EYA1: variants seen among roughly 807,000 people sequenced by gnomAD.
EYA1 encodes EYA transcriptional coactivator and phosphatase 1, also known as protein phosphatase EYA1.
A neutral mutation model predicts 82.0 loss-of-function variants in EYA1; 16 were observed. The observed-to-expected ratio is 0.20, with a 90% CI of 0.13 to 0.30. The LOEUF (loss-of-function observed/expected upper bound fraction) is 0.30. Ranked by LOEUF, EYA1 falls within the 10% of genes least tolerant of loss-of-function variation. The probability of loss-of-function intolerance (pLI) is 1.00; values close to 1 mark genes in which losing one functional copy is unlikely to be tolerated. For missense variants in EYA1, 633 were observed against 730.7 expected, an observed-to-expected ratio of 0.87 and a Z score of 1.54; for synonymous variants, 261 against 264.4, an observed-to-expected ratio of 0.99 and a Z score of 0.12.
chr8:71,510,379 T>G (rs1189124157), intron 2 of EYA1, among the ~76,000 whole-genome samples: 1 of 152,194 alleles, frequency 6.6e-6, no homozygotes, highest in Non-Finnish European at 1.5e-5. Flanking sequence ...GAGTTTTTTA[T>G]GTGGCACTGT....
At chr8:71,501,300 C>T (rs1811789670) in intron 2 of EYA1, among the ~76,000 whole-genome samples, 1 of 152,162 alleles carries the variant, frequency 6.6e-6, no homozygotes, top group African/African-American at 2.4e-5. Flanking sequence ...ACAAATTTGC[C>T]TGGAGCAGTC....
At chr8:71,459,137 A>G (rs901198282) in intron 2 of EYA1, among the ~76,000 whole-genome samples, 1 of 152,220 alleles carries the variant, frequency 6.6e-6, no homozygotes, top group South Asian at 2.1e-4. Context: ...TTTCTCTGAC[A>G]TAACCTTGGA....
At chr8:71,394,859 T>C (rs938776947) in intron 2 of EYA1, among the ~76,000 whole-genome samples, 1 of 152,210 alleles carries the variant, frequency 6.6e-6, no homozygotes, top group Non-Finnish European at 1.5e-5. Context: ...GGGGATGGCA[T>C]TGAATCTATA....
intron 3 of EYA1, among the ~76,000 whole-genome samples, chr8:71,343,165 G>T (rs1825336761): frequency 6.6e-6 from 1 of 152,156 alleles, no homozygotes; most frequent in Non-Finnish European, 1.5e-5. Flanking sequence ...ATGGCAGGTT[G>T]TCTCACTAGT....
intron 2 of EYA1, among the ~76,000 whole-genome samples, chr8:71,428,848 A>G (rs1805428471): frequency 6.6e-6 from 1 of 152,146 alleles, no homozygotes; most frequent in African/African-American, 2.4e-5. Flanking sequence ...ACAAGAGAGA[A>G]AGCTGAAATC....
At chr8:71,332,460 C>G (rs1239815333) in intron 4 of EYA1, among the ~76,000 whole-genome samples, 1 of 152,168 alleles carries the variant, frequency 6.6e-6, no homozygotes, top group East Asian at 1.9e-4. Context: ...CCCCTATACC[C>G]ATTGGTCACT....
intron 9 of EYA1, among the ~76,000 whole-genome samples, chr8:71,295,105 T>C (rs572604329): frequency 8.3e-4 from 127 of 152,188 alleles, no homozygotes; most frequent in Non-Finnish European, 1.6e-3. Context: ...GTCAGAGAAC[T>C]AGATGTAAAA....
chr8:71,547,895 G>C (rs1815795932), exon 1 of EYA1: 1 of 152,016 alleles, frequency 6.6e-6, no homozygotes, highest in Non-Finnish European at 1.5e-5. Context: ...GGGGGGCTGA[G>C]GAACCGGTTC....
At chr8:71,359,227 G>C (rs1023488306) in intron 1 of EYA1, among the ~76,000 whole-genome samples, 4 of 152,222 alleles carry the variant, frequency 2.6e-5, no homozygotes. Flanking sequence ...GGTCTTTTAA[G>C]TTTGCCTTTT....
At chr8:71,462,372 G>A (rs1421996644) in intron 2 of EYA1, among the ~76,000 whole-genome samples, 1 of 152,166 alleles carries the variant, frequency 6.6e-6, no homozygotes, top group African/African-American at 2.4e-5. Flanking sequence ...ACCCCTCTCC[G>A]AGATCGGAGT....
At chr8:71,511,924 G>A (rs534475808) in intron 2 of EYA1, among the ~76,000 whole-genome samples, 1 of 152,250 alleles carries the variant, frequency 6.6e-6, no homozygotes, top group East Asian at 1.9e-4. Context: ...TCCCAGACCT[G>A]GTTCATTAGC....
At chr8:71,290,845 A>G (rs1303794352) in intron 9 of EYA1, among the ~76,000 whole-genome samples, 1 of 152,210 alleles carries the variant, frequency 6.6e-6, no homozygotes, top group Non-Finnish European at 1.5e-5. Flanking sequence ...CATCAAGACA[A>G]ACAAACCCAA....
At chr8:71,406,662 A>C (rs932584365) in intron 2 of EYA1, among the ~76,000 whole-genome samples, 19 of 152,220 alleles carry the variant, frequency 1.2e-4, no homozygotes, top group African/African-American at 4.6e-4. Context: ...TGCGCTTTTC[A>C]GACTGGCTTA....
At chr8:71,214,532 C>A (rs756246259) in intron 16 of EYA1, among the ~76,000 whole-genome samples, 2 of 152,190 alleles carry the variant, frequency 1.3e-5, no homozygotes, top group Admixed American at 6.5e-5. Context: ...CACATTCAAG[C>A]ACTTAGCAAT....
rs1563640238 is a variant in EYA1, at chr8:71,463,629, CTCT to C, written c.33+72112_33+72114del. Among the ~76,000 whole-genome samples the C allele has an allele frequency of 5.0e-4, 52 of 103,744 alleles. 4 individuals carry two copies. Among genetic ancestry groups the C allele is most frequent in the African/African-American group, 1.7e-3 (36 of 20,978 alleles). 68.1% of individuals were successfully genotyped at this position (103,744 alleles called of 152,430 possible). On this transcript the variant is annotated intron_variant, in intron 2 of 18. Coordinates refer to the EYA1 transcript ENST00000643681. Reference sequence around the variant, plus strand: ...TCTCTCTCTCTCTCTCTCTCTCTCTCTCTCCCTCCCTCCCCCCTCCCACACACA... The same window carrying C: ...TCTCTCTCTCTCTCTCTCTCTCTCTCCCCTCCCTCCCCCCTCCCACACACA...
intron 11 of EYA1, among the ~76,000 whole-genome samples, chr8:71,257,377 A>G (rs1814569581): frequency 6.6e-6 from 1 of 152,238 alleles, no homozygotes; most frequent in South Asian, 2.1e-4. Context: ...AAGTTAAAAA[A>G]AATATAAAAA....
intron 2 of EYA1, among the ~76,000 whole-genome samples, chr8:71,410,751 C>T (rs1308880415): frequency 2.0e-5 from 3 of 150,696 alleles, no homozygotes; most frequent in Non-Finnish European, 4.4e-5. Flanking sequence ...AATGGAAGAA[C>T]ATTCCATGCT....
intron 2 of EYA1, among the ~76,000 whole-genome samples, chr8:71,460,972 T>G (rs1487949029): frequency 6.6e-6 from 1 of 152,204 alleles, no homozygotes; most frequent in African/African-American, 2.4e-5. Flanking sequence ...TTAATTACAT[T>G]GTCTGGTGAA....
chr8:71,239,616 A>AT (rs1405779056), intron 12 of EYA1, among the ~76,000 whole-genome samples: 3 of 152,312 alleles, frequency 2.0e-5, no homozygotes, highest in Non-Finnish European at 1.5e-5. Context: ...GTACATATAC[A>AT]TAGGGACCCT....
Sources: gnomAD v4.1 joint callset for allele counts (sites outside exome capture counted in the v4.1 genomes callset) on GRCh38, gnomAD v4.1.1 for gene constraint, MANE v1.5 for transcripts, NCBI Gene and HGNC (gene_info 2026-07-23, HGNC 2026-07-21) for gene names.